RORA: variants seen among roughly 807,000 people sequenced by gnomAD.
RORA encodes the protein RAR related orphan receptor A, also known as nuclear receptor ROR-alpha.
RORA carries 7 observed loss-of-function variants against 69.5 expected under a neutral mutation model. The observed-to-expected ratio is 0.10, with a 90% CI of 0.06 to 0.19. The LOEUF is 0.19. Among genes scored for constraint, RORA ranks in the 10% least tolerant of loss-of-function variants. The pLI, the probability that RORA is intolerant of heterozygous loss-of-function variation, is 1.00. For missense variants in RORA, 457 were observed against 663.0 expected (o/e 0.69, Z 3.41); for synonymous variants, 261 against 240.8 (o/e 1.08, Z -0.78).
chr15:60,512,518 G>C (rs1053170546), intron 4 of RORA, among the ~76,000 whole-genome samples: 1 of 152,240 alleles, frequency 6.6e-6, no homozygotes, highest in East Asian at 1.9e-4. Context: ...TGGAACTCCA[G>C]GGCTCAAGCA....
At chr15:60,818,841 G>A (rs1333436160) in intron 1 of RORA, among the ~76,000 whole-genome samples, 3 of 152,290 alleles carry the variant, frequency 2.0e-5, no homozygotes, top group Middle Eastern at 3.4e-3. Flanking sequence ...AGCCCAGCAC[G>A]AAACTTGCTA....
intron 2 of RORA, among the ~76,000 whole-genome samples, chr15:60,557,334 T>C (rs1472362382): frequency 1.3e-5 from 2 of 152,238 alleles, no homozygotes; most frequent in African/African-American, 4.8e-5. Context: ...AGTGAGGCTT[T>C]CTGGCACTAC....
At chr15:60,849,887 T>C (rs1223992493) in intron 1 of RORA, among the ~76,000 whole-genome samples, 2 of 152,158 alleles carry the variant, frequency 1.3e-5, no homozygotes, top group African/African-American at 4.8e-5. Context: ...GGGAAGAATC[T>C]CTTCAGGGCT....
chr15:61,187,909 C>A (rs551163047), intron 1 of RORA, among the ~76,000 whole-genome samples: 1 of 152,164 alleles, frequency 6.6e-6, no homozygotes, highest in African/African-American at 2.4e-5. Flanking sequence ...ATTCCTAAGG[C>A]AGAAATTTAA....
At chr15:60,870,663 G>C (rs2073545786) in intron 1 of RORA, among the ~76,000 whole-genome samples, 1 of 152,198 alleles carries the variant, frequency 6.6e-6, no homozygotes, top group Non-Finnish European at 1.5e-5. Context: ...AACCTACTTG[G>C]CGTCACAAAA....
In RORA at chr15:61,177,964, C is replaced by CA. The variant is rs1175212617; in HGVS notation, c.166+51088dup. Among the ~76,000 whole-genome samples the CA allele has an allele frequency of 5.6e-3, 512 of 90,690 alleles. 3 individuals carry two copies. The highest frequency in any genetic ancestry group is 0.015 in the African/African-American group (371 of 24,556). 59.5% of individuals were successfully genotyped at this position (90,690 alleles called of 152,430 possible). The stretch of plus-strand genomic sequence containing the variant: ...GCAACAGAGCAAGACTCCATCTCAA[C>CA]AAAAAAAAAAAGAAAAAGAAAAAAG... On this transcript the variant is annotated intron_variant, in intron 1 of 10. Coordinates refer to ENST00000335670, the MANE Select transcript of RORA (RefSeq NM_134261.3).
At chr15:61,001,107 G>A (rs1207781053) in intron 1 of RORA, among the ~76,000 whole-genome samples, 1 of 152,202 alleles carries the variant, frequency 6.6e-6, no homozygotes, top group Non-Finnish European at 1.5e-5. Flanking sequence ...CTGGTTTCTT[G>A]TAAGTCCTTC....
intron 2 of RORA, among the ~76,000 whole-genome samples, chr15:60,671,067 G>GATATATAT (rs10577286): frequency 0.044 from 5,389 of 121,728 alleles, 225 homozygotes; most frequent in Middle Eastern, 0.061. Flanking sequence ...ATATCCCATT[G>GATATATAT]ATATATATAT....
chr15:60,758,133 C>T (rs1210069776), intron 1 of RORA, among the ~76,000 whole-genome samples: 2 of 152,176 alleles, frequency 1.3e-5, no homozygotes, highest in Non-Finnish European at 2.9e-5. Flanking sequence ...TTTCAGACCC[C>T]TTTGTCAAAC....
At chr15:60,892,756 T>C (rs1335693536) in intron 1 of RORA, among the ~76,000 whole-genome samples, 1 of 152,216 alleles carries the variant, frequency 6.6e-6, no homozygotes, top group African/African-American at 2.4e-5. Flanking sequence ...ATAAACTCTT[T>C]CCCTATCTTA....
At chr15:60,564,714 G>C (rs943533527) in intron 2 of RORA, among the ~76,000 whole-genome samples, 1 of 152,078 alleles carries the variant, frequency 6.6e-6, no homozygotes, top group African/African-American at 2.4e-5. Context: ...TTATCACTCA[G>C]ATATATTTGG....
chr15:60,516,642 G>A (rs1197799512), intron 3 of RORA, among the ~76,000 whole-genome samples: 1 of 151,908 alleles, frequency 6.6e-6, no homozygotes, highest in Non-Finnish European at 1.5e-5. Flanking sequence ...CCCACTGAAC[G>A]ATTTTTCTGG....
chr15:61,216,763 G>C (rs529725986), intron 1 of RORA, among the ~76,000 whole-genome samples: 2 of 152,184 alleles, frequency 1.3e-5, no homozygotes, highest in African/African-American at 2.4e-5. Context: ...CTGAATTTCA[G>C]TGATTTGTCC....
chr15:61,129,359 T>C (rs1410508531), intron 1 of RORA, among the ~76,000 whole-genome samples: 1 of 152,162 alleles, frequency 6.6e-6, no homozygotes, highest in Non-Finnish European at 1.5e-5. Context: ...AGGCCACATA[T>C]TGTAATGATT....
chr15:60,682,528 C>T (rs1399507608), intron 1 of RORA: 1 of 152,240 alleles, frequency 6.6e-6, no homozygotes, highest in Non-Finnish European at 1.5e-5. Flanking sequence ...CCCGTAATCC[C>T]AGCTACTCGG....
intron 1 of RORA, among the ~76,000 whole-genome samples, chr15:60,951,032 C>T (rs1408263522): frequency 6.6e-6 from 1 of 150,784 alleles, no homozygotes; most frequent in Admixed American, 6.6e-5. Context: ...TGACCACACA[C>T]TTGGAAGTAA....
chr15:60,900,946 T>A (rs774224403), intron 1 of RORA, among the ~76,000 whole-genome samples: 9 of 152,126 alleles, frequency 5.9e-5, no homozygotes, highest in Non-Finnish European at 8.8e-5. Context: ...ATAATAAGGT[T>A]ACATGTAAAG....
chr15:60,592,825 T>C, intron 2 of RORA: 1 of 532,228 alleles, frequency 1.9e-6, no homozygotes, highest in Non-Finnish European at 3.3e-6. Flanking sequence ...CGCCGGTCGC[T>C]TTTCTGCACG....
At chr15:60,727,327 C>T (rs1231379461) in intron 1 of RORA, among the ~76,000 whole-genome samples, 1 of 152,160 alleles carries the variant, frequency 6.6e-6, no homozygotes, top group Non-Finnish European at 1.5e-5. Context: ...GCAAAACCCA[C>T]TGAATTCCCA....
Sources: gnomAD v4.1 joint callset for allele counts (sites outside exome capture counted in the v4.1 genomes callset) on GRCh38, gnomAD v4.1.1 for gene constraint, MANE v1.5 for transcripts, NCBI Gene and HGNC (gene_info 2026-07-23, HGNC 2026-07-21) for gene names.